Variants in GLB1 observed in about 807,000 individuals in gnomAD.
GLB1 encodes the protein beta-galactosidase.
In GLB1, 56 loss-of-function variants were observed where a neutral mutation model predicts 74.0. The ratio of observed to expected loss-of-function variants is 0.76; its 90% confidence interval spans 0.61 to 0.94. The LOEUF is 0.94. Ranked by LOEUF, GLB1 falls within the 40% of genes least tolerant of loss-of-function variation. The pLI is 0.00. For synonymous variants in GLB1, 323 were observed against 323.6 expected, an observed-to-expected ratio of 1.00 and a Z score of 0.02; for missense variants, 787 against 845.5, an observed-to-expected ratio of 0.93 and a Z score of 0.86.
At chr3:32,979,941 T>C in the GLB1 span, among the ~76,000 whole-genome samples, 6 of 152,088 alleles carry the variant, frequency 3.9e-5, no homozygotes, top group Non-Finnish European at 7.4e-5. Flanking sequence ...AAATTTTAAT[T>C]GACACATAAT....
chr3:32,994,750 G>A (rs1212762134), downstream of GLB1, among the ~76,000 whole-genome samples: 1 of 151,940 alleles, frequency 6.6e-6, no homozygotes, highest in East Asian at 1.9e-4. Context: ...GCAAAACCCC[G>A]TCTCTGCTAA....
chr3:33,077,808 CTCTTA>C (rs1700176496), intron 1 of GLB1, among the ~76,000 whole-genome samples: 1 of 151,280 alleles, frequency 6.6e-6, no homozygotes, highest in Admixed American at 6.6e-5. Flanking sequence ...GCTCATTCAG[CTCTTA>C]TCTTTATATT....
chr3:33,066,195 C>G (rs1265956883), intron 4 of GLB1, among the ~76,000 whole-genome samples: 1 of 152,070 alleles, frequency 6.6e-6, no homozygotes, highest in African/African-American at 2.4e-5. Context: ...AATGTTTGTC[C>G]CTCTGAAACT....
At chr3:32,991,023 A>C in the GLB1 span, among the ~76,000 whole-genome samples, 4 of 152,156 alleles carry the variant, frequency 2.6e-5, no homozygotes, top group Admixed American at 2.6e-4. Flanking sequence ...AATTAAAGAA[A>C]GTTGAAGTAA....
At position 33,093,111 on chromosome 3, in the gene GLB1, T is replaced by C. The variant is rs1700840375; in HGVS notation, c.75+3900A>G. ...CTGGTGAGCTAGCAAGATGATTGTG[T>C]GGTCTGGGCTGCAGCCCTCCAGGGC... On this transcript the variant is annotated intron_variant, in intron 1 of 15. Transcript: ENST00000307363. This position sits in a 1 kb window ranked among gnomAD's most constrained non-coding sequence, Gnocchi z 6.0. 3 of 1,614,076 alleles carry C rather than the reference T, an allele frequency of 1.9e-6. No individual in the cohort carries two copies. The highest frequency in any genetic ancestry group is 1.3e-5 in the African/African-American group (1 of 74,938).
chr3:33,022,564 A>AGTTTTTTTTTT (rs1697537822), intron 11 of GLB1, among the ~76,000 whole-genome samples: 1 of 63,746 alleles, frequency 1.6e-5, no homozygotes, highest in African/African-American at 5.1e-5. Flanking sequence ...ACTGGTTAGG[A>AGTTTTTTTTTT]TTTTTTTTTT....
Position 33,076,361 on chromosome 3 carries a change from G to A in GLB1, c.76-3648C>T, listed in dbSNP as rs182898297. Among the ~76,000 whole-genome samples, 721 of 152,316 alleles carry A rather than the reference G, an allele frequency of 4.7e-3. 1 individual carries two copies. The highest frequency in any genetic ancestry group is 0.014 in the Middle Eastern group (4 of 294). Reference sequence around the variant, plus strand: ...CAGAGGAGGAGGCCAGGGCCAGATCGAATGAGCCCTGAAGTCCAGATTCAA... The same window carrying A: ...CAGAGGAGGAGGCCAGGGCCAGATCAAATGAGCCCTGAAGTCCAGATTCAA... On this transcript the variant is annotated intron_variant, in intron 1 of 15. Coordinates refer to ENST00000307363, the MANE Select transcript of GLB1 (RefSeq NM_000404.4).
chr3:32,971,541 G>C, the GLB1 span, among the ~76,000 whole-genome samples: 1 of 152,206 alleles, frequency 6.6e-6, no homozygotes, highest in Admixed American at 6.5e-5. Context: ...AGGAATTAAT[G>C]CCACAAGATA....
intron 15 of GLB1, among the ~76,000 whole-genome samples, chr3:33,005,144 T>C (rs1264685990): frequency 1.3e-5 from 2 of 151,616 alleles, no homozygotes. Context: ...AACTATCCTA[T>C]GGTTATCTAG....
chr3:33,019,907 C>T (rs1697397594), intron 12 of GLB1, among the ~76,000 whole-genome samples: 1 of 152,168 alleles, frequency 6.6e-6, no homozygotes, highest in South Asian at 2.1e-4. Context: ...ATTCTGTGGA[C>T]TTGCCCCAGA....
At chr3:33,087,630 C>G (rs1163569744) in intron 1 of GLB1, among the ~76,000 whole-genome samples, 1 of 124,502 alleles carries the variant, frequency 8.0e-6, no homozygotes, top group Non-Finnish European at 1.8e-5. Context: ...CACACACACA[C>G]TCAAAGAAAA....
chr3:33,009,204 T>C (rs1204692445), intron 15 of GLB1, among the ~76,000 whole-genome samples: 2 of 151,562 alleles, frequency 1.3e-5, no homozygotes, highest in Non-Finnish European at 2.9e-5. Context: ...AACTGCAGCC[T>C]TAATGGTGGA....
rs1699934134 is a variant in GLB1, at chr3:33,072,791, G to A, written c.76-78C>T. 3.2e-6 allele frequency: 5 copies of A among 1,578,458 alleles called. No individual in the cohort carries two copies. In the South Asian group the frequency reaches 5.7e-5, roughly 18 times the overall value. On this transcript the variant is annotated intron_variant, in intron 1 of 15. Transcript: ENST00000307363. Reference sequence around the variant, plus strand: ...AGCCGATCCTTTGAGAGTAGCAAGTGACTCTCTGCCTATTGAATTTGTATA... The same window carrying A: ...AGCCGATCCTTTGAGAGTAGCAAGTAACTCTCTGCCTATTGAATTTGTATA...
intron 5 of GLB1, among the ~76,000 whole-genome samples, chr3:33,059,266 C>CTGT (rs1699349878): frequency 8.9e-6 from 1 of 112,576 alleles, no homozygotes; most frequent in South Asian, 2.5e-4. Flanking sequence ...CACACACACA[C>CTGT]ACACACACAC....
chr3:33,094,540 A>G (rs1317280942), intron 1 of GLB1, among the ~76,000 whole-genome samples: 2 of 152,252 alleles, frequency 1.3e-5, no homozygotes, highest in Non-Finnish European at 2.9e-5. Context: ...TACAGTAAGC[A>G]TGTACTTGTT....
chr3:33,044,655 A>G (rs1353643944), intron 10 of GLB1, among the ~76,000 whole-genome samples: 14 of 152,184 alleles, frequency 9.2e-5, no homozygotes. Context: ...TGGACAAATT[A>G]TAAGTGTGGT....
At chr3:33,023,075 C>T (rs1177945590) in intron 11 of GLB1, among the ~76,000 whole-genome samples, 2 of 152,180 alleles carry the variant, frequency 1.3e-5, no homozygotes, top group Non-Finnish European at 2.9e-5. Flanking sequence ...CTATCTTCAA[C>T]TGTATATATT....
intron 5 of GLB1, among the ~76,000 whole-genome samples, chr3:33,064,949 T>C (rs1575467497): frequency 6.6e-6 from 1 of 152,078 alleles, no homozygotes; most frequent in African/African-American, 2.4e-5. Flanking sequence ...AGAAGGAGAA[T>C]GGGGCAGGAA....
chr3:33,003,142 G>C (rs1417479061), intron 15 of GLB1, among the ~76,000 whole-genome samples: 1 of 152,114 alleles, frequency 6.6e-6, no homozygotes, highest in Non-Finnish European at 1.5e-5. Flanking sequence ...ATAACTTTAT[G>C]GTTTCTCTAT....
Sources: allele counts gnomAD v4.1 joint callset (sites outside exome capture counted in the v4.1 genomes callset), GRCh38; gene constraint gnomAD v4.1.1; non-coding constraint Gnocchi (gnomAD v3.1); transcripts MANE v1.5; gene names NCBI Gene and HGNC (gene_info 2026-07-23, HGNC 2026-07-21).